The following GPATCH1 variants were observed in gnomAD, a reference collection of about 807,000 sequenced individuals.
GPATCH1 encodes G-patch domain containing 1, also known as G patch domain-containing protein 1.
GPATCH1 carries 73 observed loss-of-function variants against 114.9 expected under a neutral mutation model. The ratio of observed to expected loss-of-function variants is 0.64; its 90% CI spans 0.53 to 0.77. The LOEUF (loss-of-function observed/expected upper bound fraction) is 0.77, where lower values mean the gene tolerates loss of function less well. Among genes scored for constraint, GPATCH1 ranks in the 30% least tolerant of loss-of-function variants. The probability of loss-of-function intolerance (pLI) is 0.00; values close to 1 mark genes in which losing one functional copy is unlikely to be tolerated. For synonymous variants in GPATCH1, 391 were observed against 428.4 expected, an observed-to-expected ratio of 0.91 and a Z score of 1.08; for missense variants, 1,058 against 1,144.3, an observed-to-expected ratio of 0.92 and a Z score of 1.09.
In GPATCH1 at chr19:33,106,842, A is replaced by T. The variant is rs1319123949; in HGVS notation, c.1228A>T (p.Lys410Ter). 3.1e-6 allele frequency: 5 copies of T among 1,613,934 alleles called. No homozygotes were observed. In the African/African-American group the frequency reaches 6.7e-5, roughly 22 times the overall value. ...AACGCCTGACCCAGGGACACACAGT[A>T]AGCACCAACTGAATGCCTCCAAACG... is the stretch of plus-strand genomic sequence containing the variant. ...KATPDPGTHS[K>*]HQLNASKRAE... The change falls in exon 10 of 20, where the codon AAG (lysine) becomes TAG (stop). Residue 410 changes from lysine to a stop codon, truncating the protein, a stop_gained. Transcript: ENST00000170564. LOFTEE classifies it high-confidence loss of function.
rs916084982 is a variant in GPATCH1, at chr19:33,130,264, C to G, written c.*104C>G. On this transcript the variant is annotated 3_prime_UTR_variant, in exon 20 of 20. Coordinates refer to ENST00000170564, the MANE Select transcript of GPATCH1 (RefSeq NM_018025.3). Reference sequence around the variant, plus strand: ...TACAGAGTGTATTTATATGTAAATTCCTGCTGTAAAATAATTTTTAAAACC... The same window carrying G: ...TACAGAGTGTATTTATATGTAAATTGCTGCTGTAAAATAATTTTTAAAACC... 1 of 692,224 alleles carries G rather than the reference C, an allele frequency of 1.4e-6. No homozygotes were observed. Among genetic ancestry groups the G allele is most frequent in the Non-Finnish European group, 2.4e-6 (1 of 414,760 alleles). The allele number at this position is 692,224 out of a possible 1,614,324, so 42.9% of individuals were successfully genotyped here.
intron 2 of GPATCH1, among the ~76,000 whole-genome samples, chr19:33,089,798 T>G (rs955150055): frequency 3.9e-5 from 6 of 152,024 alleles, no homozygotes; most frequent in Non-Finnish European, 5.9e-5. Context: ...TTTTTGTATT[T>G]TAGTAGAGAT....
At position 33,087,718 on chromosome 19, in the gene GPATCH1, G is replaced by A. The variant is rs146072544; in HGVS notation, c.74-416G>A. On this transcript the variant is annotated intron_variant, in intron 1 of 19. Transcript: ENST00000170564. ...TTTTTTTTGGGGGAGAAGTCTCGCTGTGTCTCCCATGCTGGAGTGCAGTGG... is the reference window on the plus strand; with the variant it reads ...TTTTTTTTGGGGGAGAAGTCTCGCTATGTCTCCCATGCTGGAGTGCAGTGG... 3.1e-3 allele frequency among the ~76,000 whole-genome samples: 458 copies of A among 148,348 alleles called. 4 individuals are homozygous for A. The highest frequency in any genetic ancestry group is 0.011 in the African/African-American group (431 of 40,126).
intron 7 of GPATCH1, among the ~76,000 whole-genome samples, chr19:33,097,345 G>T (rs551958623): frequency 3.2e-4 from 49 of 152,308 alleles, no homozygotes; most frequent in Non-Finnish European, 5.4e-4. Flanking sequence ...CTTCCAGCGG[G>T]CAGTAGAGTA....
At chr19:33,081,375 G>C in intron 1 of GPATCH1, 109 bp downstream of exon 1, 1 of 932,106 alleles carries the variant, frequency 1.1e-6, no homozygotes, top group Non-Finnish European at 1.7e-6. Context: ...CGTTCCCAGC[G>C]CTGGGAACAC....
chr19:33,120,281 TA>T (rs1279036103), intron 17 of GPATCH1, among the ~76,000 whole-genome samples: 3 of 136,112 alleles, frequency 2.2e-5, no homozygotes, highest in African/African-American at 5.8e-5. Context: ...CAATTATATA[TA>T]AAAATTATAT....
intron 9 of GPATCH1, among the ~76,000 whole-genome samples, chr19:33,102,804 A>C (rs1212708386): frequency 6.6e-6 from 1 of 152,226 alleles, no homozygotes; most frequent in Admixed American, 6.5e-5. Context: ...TAGGTTAAGG[A>C]AAAGTAGAAA....
chr19:33,086,661 G>A (rs904674456), intron 1 of GPATCH1, among the ~76,000 whole-genome samples: 1 of 152,026 alleles, frequency 6.6e-6, no homozygotes, highest in Non-Finnish European at 1.5e-5. Flanking sequence ...TCACCCTGTT[G>A]GCCAGGCTGT....
chr19:33,103,275 T>C (rs781093976), intron 9 of GPATCH1, among the ~76,000 whole-genome samples: 2 of 152,228 alleles, frequency 1.3e-5, no homozygotes, highest in African/African-American at 2.4e-5. Flanking sequence ...ATTTGTTTCA[T>C]TGTGATAGTT....
chr19:33,086,438 G>A lies in GPATCH1; in HGVS notation c.74-1696G>A, dbSNP rs371247749. Among the ~76,000 whole-genome samples the A allele has an allele frequency of 2.0e-4, 31 of 152,140 alleles. 3 individuals are homozygous for A. The highest frequency in any genetic ancestry group is 7.2e-4 in the African/African-American group (30 of 41,498). Reference sequence around the variant, plus strand: ...ACAGTTGTGGAGGCTGAGGCTTAGAGTGATGAAGTAACTTGTTCAAGATGA... The same window carrying A: ...ACAGTTGTGGAGGCTGAGGCTTAGAATGATGAAGTAACTTGTTCAAGATGA... On this transcript the variant is annotated intron_variant, in intron 1 of 19. Transcript: ENST00000170564.
intron 17 of GPATCH1, 152 bp downstream of exon 17, chr19:33,119,269 G>A (rs111385911): frequency 2.0e-6 from 1 of 506,976 alleles, no homozygotes; most frequent in African/African-American, 1.9e-5. Context: ...TCCACCTAGT[G>A]CCTGAAATGA....
chr19:33,112,722 TGCATATC>T, intron 13 of GPATCH1, 109 bp downstream of exon 13: 2 of 733,258 alleles, frequency 2.7e-6, no homozygotes, highest in Non-Finnish European at 4.4e-6. Flanking sequence ...TGAACTTATT[TGCATATC>T]ACTGGATATA....
intron 10 of GPATCH1, among the ~76,000 whole-genome samples, chr19:33,108,376 C>T (rs3760892): frequency 6.6e-6 from 1 of 151,906 alleles, no homozygotes; most frequent in East Asian, 2.0e-4. Context: ...CCTTCCCTTA[C>T]CCTCCCACAG....
intron 17 of GPATCH1, among the ~76,000 whole-genome samples, chr19:33,122,948 TGTG>T (rs1296766816): frequency 1.3e-5 from 2 of 151,794 alleles, no homozygotes; most frequent in African/African-American, 2.4e-5. Flanking sequence ...GGTACATGCC[TGTG>T]GTCCCAGCTA....
chr19:33,081,836 G>T (rs573703044), intron 1 of GPATCH1, among the ~76,000 whole-genome samples: 1 of 151,932 alleles, frequency 6.6e-6, no homozygotes, highest in Non-Finnish European at 1.5e-5. Context: ...GCAGGATTAG[G>T]GTTAGGGTTA....
Position 33,096,307 on chromosome 19 carries a change from A to G in GPATCH1, c.713A>G (p.Tyr238Cys). Residue 238 changes from tyrosine (Y) to cysteine (C), a missense_variant, in exon 7 of 20, where the codon TAC (tyrosine) becomes TGC (cysteine). Physicochemically the swap from Tyr to Cys is radical, Grantham distance 194. Around this residue, in one of 3 missense-constraint regions of GPATCH1, gnomAD observed 893 missense variants for 977.4 expected, o/e 0.91. Transcript: ENST00000170564. ...TPKDNVHGLA[Y>C]KGLDPHQALF... ...AAAGATAATGTGCATGGTCTAGCTT[A>G]CAAGGGCCTGGATCCCCACCAGGCA... The G allele has an allele frequency of 6.2e-7, 1 of 1,614,194 alleles. No homozygotes were observed.
chr19:33,127,771 C>T (rs545294831), intron 19 of GPATCH1, among the ~76,000 whole-genome samples: 74 of 149,214 alleles, frequency 5.0e-4, no homozygotes, highest in African/African-American at 1.3e-3. Context: ...TGCAGTGGTG[C>T]GATCTTGGCT....
chr19:33,116,561 G>A (rs868276119), intron 15 of GPATCH1, among the ~76,000 whole-genome samples: 6 of 152,104 alleles, frequency 3.9e-5, no homozygotes, highest in African/African-American at 9.7e-5. Flanking sequence ...ACGGAGTCTC[G>A]CTCTGTCACC....
In GPATCH1 at chr19:33,097,862, CTA is replaced by C. The variant is rs1429169413; in HGVS notation, c.962_963del (p.Tyr321TrpfsTer9). 6.2e-7 allele frequency: 1 copy of C among 1,614,058 alleles called. No individual in the cohort carries two copies. The highest frequency in any genetic ancestry group is 1.7e-5 in the Admixed American group (1 of 60,014). ...LKDEEPGDGL[Y>X]GWTAPRQYKN... ...AGGACGAGGAGCCTGGAGACGGACT[CTA>C]TGGCTGGACAGCACCCAGGCAGTAT... On this transcript the variant is annotated frameshift_variant, in exon 8 of 20. Transcript: ENST00000170564. LOFTEE classifies it high-confidence loss of function.
Sources: gnomAD v4.1 joint callset for allele counts (sites outside exome capture counted in the v4.1 genomes callset) on GRCh38, gnomAD v4.1.1 for gene constraint, gnomAD v4.1.1 regional missense constraint, MANE v1.5 for transcripts, NCBI Gene and HGNC (gene_info 2026-07-23, HGNC 2026-07-21) for gene names.